Variants in CAMK4 observed in about 807,000 individuals in gnomAD.
CAMK4 encodes calcium/calmodulin-dependent protein kinase type IV.
A neutral mutation model predicts 44.9 loss-of-function variants in CAMK4; 22 were observed. That is an observed-to-expected ratio of 0.49 (90% confidence interval 0.35 to 0.70). The LOEUF is 0.70. Among genes scored for constraint, CAMK4 ranks in the 30% least tolerant of loss-of-function variants. CAMK4 has a pLI of 0.01. For missense variants in CAMK4, 498 were observed against 586.8 expected (o/e 0.85, Z 1.56); for synonymous variants, 218 against 215.4 (o/e 1.01, Z -0.11).
intron 7 of CAMK4, among the ~76,000 whole-genome samples, chr5:111,453,339 G>A (rs1303762190): frequency 6.6e-6 from 1 of 152,154 alleles, no homozygotes; most frequent in Non-Finnish European, 1.5e-5. Flanking sequence ...ATCTAGTTAT[G>A]AATATTTGTT....
intron 7 of CAMK4, among the ~76,000 whole-genome samples, chr5:111,461,837 T>G (rs1442888931): frequency 4.8e-5 from 2 of 41,462 alleles, no homozygotes; most frequent in East Asian, 6.1e-4. Context: ...AAAAAAAAAA[T>G]CCCAGCATTT....
intron 1 of CAMK4, among the ~76,000 whole-genome samples, chr5:111,258,931 AC>A (rs1259425670): frequency 6.6e-6 from 1 of 151,968 alleles, no homozygotes; most frequent in Non-Finnish European, 1.5e-5. Flanking sequence ...CCTAGGAAAA[AC>A]CCTTAAGGAA....
chr5:111,362,745 G>A lies in CAMK4; in HGVS notation c.241-12105G>A, dbSNP rs536630035. On this transcript the variant is annotated intron_variant, in intron 2 of 10. Coordinates refer to ENST00000282356, the MANE Select transcript of CAMK4 (RefSeq NM_001744.6). The stretch of plus-strand genomic sequence containing the variant: ...TTTTTCATAAGACCATGCTGATGCT[G>A]GCACCTTCTTGGGAAATATGAGGAG... 3.8e-4 allele frequency among the ~76,000 whole-genome samples: 58 copies of A among 152,030 alleles called. 1 individual carries two copies. The highest frequency in any genetic ancestry group is 1.3e-3 in the African/African-American group (53 of 41,496).
At chr5:111,449,422 GC>G (rs1227320662) in intron 7 of CAMK4, among the ~76,000 whole-genome samples, 1 of 152,176 alleles carries the variant, frequency 6.6e-6, no homozygotes, top group Non-Finnish European at 1.5e-5. Context: ...CTGTTAGAAT[GC>G]CTTTGAGCCA....
rs1747197287 is a variant in CAMK4 at position 111,290,583 on chromosome 5, G to C, written c.162-53441G>C. On this transcript the variant is annotated intron_variant, in intron 1 of 10. Coordinates refer to ENST00000282356, the MANE Select transcript of CAMK4 (RefSeq NM_001744.6). This position sits in a 1 kb window ranked among gnomAD's most constrained non-coding sequence, Gnocchi z 4.5. ...CCATCCATCAGAGGCCAGGATGCGG[G>C]GCAGAGCCAAGGGGAACGTTTTGTT... 6.6e-6 allele frequency among the ~76,000 whole-genome samples: 1 copy of C among 152,172 alleles called. No individual in the cohort carries two copies. Among genetic ancestry groups the C allele is most frequent in the South Asian group, 2.1e-4 (1 of 4,830 alleles).
intron 1 of CAMK4, among the ~76,000 whole-genome samples, chr5:111,299,948 T>C (rs917055945): frequency 1.3e-5 from 2 of 152,178 alleles, no homozygotes; most frequent in African/African-American, 4.8e-5. Flanking sequence ...TGGTGAGCTT[T>C]TCATGGGGTC....
intron 8 of CAMK4, among the ~76,000 whole-genome samples, chr5:111,474,256 C>T (rs770585449): frequency 6.6e-6 from 1 of 152,206 alleles, no homozygotes; most frequent in Non-Finnish European, 1.5e-5. Flanking sequence ...CCTGGGCTTA[C>T]ATAACAAAAT....
At chr5:111,368,351 A>T (rs1750875927) in intron 2 of CAMK4, among the ~76,000 whole-genome samples, 1 of 152,096 alleles carries the variant, frequency 6.6e-6, no homozygotes, top group Admixed American at 6.6e-5. Context: ...AATATTATTC[A>T]TTCTGAGTGG....
Position 111,293,002 on chromosome 5 carries a change from C to G in CAMK4, c.162-51022C>G, listed in dbSNP as rs967980979. Among the ~76,000 whole-genome samples the G allele has an allele frequency of 7.2e-5, 11 of 152,266 alleles. 1 individual carries two copies. Among genetic ancestry groups the G allele is most frequent in the East Asian group, 3.9e-4 (2 of 5,190 alleles). ...TGCTTGAATGAAGCAATGTGCCTGC[C>G]TTTAAAAGTGGGCAGGCTTCCTGTA... On this transcript the variant is annotated intron_variant, in intron 1 of 10. Coordinates refer to ENST00000282356, the MANE Select transcript of CAMK4 (RefSeq NM_001744.6).
chr5:111,394,756 G>A lies in CAMK4; in HGVS notation c.433G>A (p.Val145Ile), dbSNP rs373586836. The A allele has an allele frequency of 1.7e-5, 28 of 1,612,342 alleles. No individual in the cohort carries two copies. The highest frequency in any genetic ancestry group is 2.2e-5 in the East Asian group (1 of 44,806). The change falls in exon 5 of 11, where the codon GTT becomes ATT. Residue 145 changes from valine to isoleucine, a missense_variant. Coordinates refer to ENST00000282356, the MANE Select transcript of CAMK4 (RefSeq NM_001744.6). ...YYSERDAADA[V>I]KQILEAVAYL... is the part of the protein sequence containing the mutation. Reference sequence around the variant, plus strand: ...CAGTGAGCGAGATGCTGCAGATGCCGTTAAACAAATCCTGGAGGCAGTTGC... The same window carrying A: ...CAGTGAGCGAGATGCTGCAGATGCCATTAAACAAATCCTGGAGGCAGTTGC...
chr5:111,371,392 G>C (rs539255847), intron 2 of CAMK4, among the ~76,000 whole-genome samples: 1 of 152,256 alleles, frequency 6.6e-6, no homozygotes, highest in African/African-American at 2.4e-5. Flanking sequence ...CTGAACAATG[G>C]AAGTTTTAAA....
At chr5:111,249,536 TAAAC>T (rs1749385059) in intron 1 of CAMK4, among the ~76,000 whole-genome samples, 1 of 151,118 alleles carries the variant, frequency 6.6e-6, no homozygotes. Flanking sequence ...AAATGTTAGA[TAAAC>T]AAAAGGCTGA....
At chr5:111,346,388 CA>C (rs1337695692) in intron 2 of CAMK4, among the ~76,000 whole-genome samples, 1 of 151,584 alleles carries the variant, frequency 6.6e-6, no homozygotes, top group Non-Finnish European at 1.5e-5. Flanking sequence ...TTATGTGGTC[CA>C]ACTAACAACT....
intron 1 of CAMK4, among the ~76,000 whole-genome samples, chr5:111,287,786 C>A (rs970463519): frequency 6.6e-6 from 1 of 152,070 alleles, no homozygotes; most frequent in Non-Finnish European, 1.5e-5. Flanking sequence ...AAATTACATC[C>A]TAACCTTTTT....
chr5:111,359,647 A>T (rs955099008), intron 2 of CAMK4, among the ~76,000 whole-genome samples: 2 of 152,100 alleles, frequency 1.3e-5, no homozygotes, highest in African/African-American at 2.4e-5. Flanking sequence ...TTCATCATGA[A>T]TTCCTTGCCA....
At chr5:111,406,752 A>G (rs1168558794) in intron 5 of CAMK4, among the ~76,000 whole-genome samples, 1 of 152,204 alleles carries the variant, frequency 6.6e-6, no homozygotes, top group East Asian at 1.9e-4. Context: ...AAAGAGGATA[A>G]TAAAGCAACA....
At chr5:111,411,087 C>A (rs956576319) in intron 5 of CAMK4, among the ~76,000 whole-genome samples, 2 of 152,074 alleles carry the variant, frequency 1.3e-5, no homozygotes, top group South Asian at 4.1e-4. Flanking sequence ...AACAATCTTC[C>A]AAACTCTAAA....
chr5:111,408,920 G>A (rs1054347780), intron 5 of CAMK4, among the ~76,000 whole-genome samples: 2 of 152,198 alleles, frequency 1.3e-5, no homozygotes, highest in Non-Finnish European at 2.9e-5. Flanking sequence ...TCCAGATCAT[G>A]CTGATGCAAG....
chr5:111,478,681 A>G (rs1422230076), intron 9 of CAMK4, among the ~76,000 whole-genome samples, 174 bp downstream of exon 9: 5 of 152,218 alleles, frequency 3.3e-5, no homozygotes, highest in South Asian at 4.1e-4. Flanking sequence ...AATAAAAACT[A>G]GATATGTTTT....
Sources: gnomAD v4.1 joint callset for allele counts (sites outside exome capture counted in the v4.1 genomes callset) on GRCh38, gnomAD v4.1.1 for gene constraint, Gnocchi (gnomAD v3.1) non-coding constraint, MANE v1.5 for transcripts, NCBI Gene and HGNC (gene_info 2026-07-23, HGNC 2026-07-21) for gene names.